The following LSAMP variants were observed in gnomAD, a reference collection of about 807,000 sequenced individuals.
LSAMP encodes the protein limbic system-associated membrane protein.
LSAMP carries 7 observed loss-of-function variants against 38.6 expected under a neutral mutation model. The ratio of observed to expected loss-of-function variants is 0.18; its 90% CI spans 0.10 to 0.34. LSAMP has a LOEUF of 0.34. LSAMP is among the 10% of genes least tolerant of loss of function. The probability of loss-of-function intolerance (pLI) is 1.00; values close to 1 mark genes in which losing one functional copy is unlikely to be tolerated. For missense variants in LSAMP, 313 were observed against 420.0 expected, an observed-to-expected ratio of 0.75 and a Z score of 2.23; for synonymous variants, 154 against 166.8, an observed-to-expected ratio of 0.92 and a Z score of 0.59.
At chr3:115,992,699 C>T (rs1025409992) in intron 3 of LSAMP, among the ~76,000 whole-genome samples, 7 of 149,766 alleles carry the variant, frequency 4.7e-5, no homozygotes, top group African/African-American at 1.8e-4. Flanking sequence ...AATGTCGATA[C>T]AGTTCATAAA....
chr3:116,065,137 CAT>C (rs1707391291), intron 2 of LSAMP, among the ~76,000 whole-genome samples: 2 of 152,124 alleles, frequency 1.3e-5, no homozygotes, highest in South Asian at 4.1e-4. Flanking sequence ...CTCCTGTAAA[CAT>C]ATGGATAACG....
At chr3:116,051,681 G>A (rs1941399429) in intron 2 of LSAMP, among the ~76,000 whole-genome samples, 1 of 152,112 alleles carries the variant, frequency 6.6e-6, no homozygotes, top group Admixed American at 6.5e-5. Context: ...TTTGAGCAAT[G>A]GCTTCTTGAC....
At chr3:115,889,098 A>C (rs2107453365) in intron 3 of LSAMP, among the ~76,000 whole-genome samples, 1 of 152,038 alleles carries the variant, frequency 6.6e-6, no homozygotes, top group Non-Finnish European at 1.5e-5. Context: ...CTCAGAGCAC[A>C]CATGTTCCAG....
chr3:116,094,526 C>A (rs899978306), intron 1 of LSAMP, among the ~76,000 whole-genome samples: 21 of 152,224 alleles, frequency 1.4e-4, no homozygotes, highest in Non-Finnish European at 7.3e-5. Flanking sequence ...TATCTCCCCT[C>A]ACCCTTGCTT....
intron 6 of LSAMP, among the ~76,000 whole-genome samples, chr3:115,834,087 CT>C (rs1261513893): frequency 5.9e-5 from 9 of 151,942 alleles, no homozygotes; most frequent in African/African-American, 2.2e-4. Flanking sequence ...AAAATAACAT[CT>C]TTGTTATAAT....
chr3:116,371,807 C>A (rs901213843), intron 1 of LSAMP, among the ~76,000 whole-genome samples: 24 of 152,030 alleles, frequency 1.6e-4, no homozygotes, highest in Middle Eastern at 3.4e-3. Context: ...ACACACACAC[C>A]TGTTAGAACT....
chr3:115,906,474 T>G (rs1430586813), intron 3 of LSAMP, among the ~76,000 whole-genome samples: 5 of 152,152 alleles, frequency 3.3e-5, no homozygotes, highest in Non-Finnish European at 7.4e-5. Flanking sequence ...TCATGGTTAT[T>G]GCAACATCTA....
At chr3:116,326,386 C>A (rs1266604380) in intron 1 of LSAMP, among the ~76,000 whole-genome samples, 1 of 152,146 alleles carries the variant, frequency 6.6e-6, no homozygotes, top group Non-Finnish European at 1.5e-5. Context: ...TTCACCAGAT[C>A]TGATTCCTTT....
chr3:116,035,179 A>C (rs4831121), intron 2 of LSAMP, among the ~76,000 whole-genome samples: 34,088 of 152,168 alleles, frequency 0.22, 4,861 homozygotes, highest in African/African-American at 0.41. Context: ...AAAATTAGGA[A>C]CCAAACAGAA....
At chr3:115,818,912 C>A (rs1178506640) in intron 6 of LSAMP, among the ~76,000 whole-genome samples, 2 of 148,714 alleles carry the variant, frequency 1.3e-5, no homozygotes, top group African/African-American at 4.9e-5. Context: ...GTAATCCCAG[C>A]ACTTTGGGAG....
At chr3:116,184,587 G>A (rs1353360991) in intron 1 of LSAMP, among the ~76,000 whole-genome samples, 6 of 152,068 alleles carry the variant, frequency 3.9e-5, no homozygotes, top group Middle Eastern at 3.4e-3. Flanking sequence ...GTGCAATAGA[G>A]TTTAATTTTT....
intron 1 of LSAMP, among the ~76,000 whole-genome samples, chr3:116,304,537 G>A (rs2047456494): frequency 6.6e-6 from 1 of 152,094 alleles, no homozygotes; most frequent in South Asian, 2.1e-4. Flanking sequence ...ACATGGGAAA[G>A]GAAACAACTG....
chr3:116,322,054 T>C (rs1385110985), intron 1 of LSAMP, among the ~76,000 whole-genome samples: 1 of 152,210 alleles, frequency 6.6e-6, no homozygotes, highest in African/African-American at 2.4e-5. Flanking sequence ...AAATCTCTAG[T>C]TACATTGTTC....
At chr3:116,417,524 T>G (rs1214166916) in intron 1 of LSAMP, among the ~76,000 whole-genome samples, 2 of 152,210 alleles carry the variant, frequency 1.3e-5, no homozygotes, top group African/African-American at 2.4e-5. Flanking sequence ...ATCTCTCACC[T>G]GCAAAGAGTA....
At chr3:116,091,269 C>T (rs901889390) in intron 1 of LSAMP, among the ~76,000 whole-genome samples, 2 of 152,228 alleles carry the variant, frequency 1.3e-5, no homozygotes, top group Non-Finnish European at 2.9e-5. Flanking sequence ...TCTCATATTC[C>T]CTGAACAATT....
intron 1 of LSAMP, among the ~76,000 whole-genome samples, chr3:116,174,100 C>T (rs1710276553): frequency 6.6e-6 from 1 of 151,926 alleles, no homozygotes; most frequent in African/African-American, 2.4e-5. Flanking sequence ...TGTTTAGCTG[C>T]CTTTGGACAT....
chr3:116,382,153 G>A (rs1367103002), intron 1 of LSAMP, among the ~76,000 whole-genome samples: 1 of 152,086 alleles, frequency 6.6e-6, no homozygotes. Flanking sequence ...TCCCATTACT[G>A]GGTATATACC....
intron 3 of LSAMP, among the ~76,000 whole-genome samples, chr3:115,950,134 A>G (rs1430539607): frequency 6.6e-6 from 1 of 150,400 alleles, no homozygotes; most frequent in Non-Finnish European, 1.5e-5. Flanking sequence ...ATTATACTGA[A>G]TGGAGAAAAG....
intron 1 of LSAMP, among the ~76,000 whole-genome samples, chr3:116,347,518 G>T (rs1343942835): frequency 3.3e-5 from 5 of 152,004 alleles, no homozygotes; most frequent in Non-Finnish European, 5.9e-5. Flanking sequence ...TCTCTTTCTT[G>T]TACTAGCTAG....
Sources: gnomAD v4.1 joint callset for allele counts (sites outside exome capture counted in the v4.1 genomes callset) on GRCh38, gnomAD v4.1.1 for gene constraint, MANE v1.5 for transcripts, NCBI Gene and HGNC (gene_info 2026-07-23, HGNC 2026-07-21) for gene names.